The following FRMPD4 variants were observed in gnomAD, a reference collection of about 807,000 sequenced individuals.
The protein encoded by FRMPD4 is FERM and PDZ domain-containing protein 4.
Under a neutral mutation model 94.1 loss-of-function variants are expected in FRMPD4, and 22 were observed. The observed-to-expected ratio is 0.23, with a 90% CI of 0.17 to 0.33. The LOEUF is 0.33. FRMPD4 is among the 10% of genes least tolerant of loss of function. FRMPD4 has a pLI of 1.00. For synonymous variants in FRMPD4, 631 were observed against 548.6 expected (o/e 1.15, Z -2.10); for missense variants, 1,111 against 1,339.9 (o/e 0.83, Z 2.67).
chrX:11,868,463 T>C (rs1216242239), intron 2 of FRMPD4, among the ~76,000 whole-genome samples: 1 of 111,705 alleles, frequency 9.0e-6, no homozygotes, highest in Non-Finnish European at 1.9e-5. Context: ...AAAATGCTGA[T>C]GTAGTAGGCT....
intron 3 of FRMPD4, among the ~76,000 whole-genome samples, chrX:11,957,411 T>C (rs897803016): frequency 1.8e-5 from 2 of 111,062 alleles, no homozygotes; most frequent in African/African-American, 6.5e-5. Flanking sequence ...ATTTAAAAAA[T>C]AGAATTAGCC....
At chrX:12,039,536 A>AT (rs1173562331) in intron 3 of FRMPD4, among the ~76,000 whole-genome samples, 1 of 110,753 alleles carries the variant, frequency 9.0e-6, no homozygotes, top group African/African-American at 3.3e-5. Context: ...TTAATTTTCT[A>AT]TTTTTTTGTT....
chrX:12,148,349 A>G (rs2055799683), intron 1 of FRMPD4, among the ~76,000 whole-genome samples: 1 of 112,426 alleles, frequency 8.9e-6, no homozygotes, highest in African/African-American at 3.2e-5. Flanking sequence ...TGGTCTGGAT[A>G]GAAGATCAAA....
Position 12,717,726 on chromosome X carries a change from C to A in FRMPD4, c.2900C>A (p.Ser967Tyr). The change falls in exon 16 of 17, where the codon TCC becomes TAC. Residue 967 changes from serine to tyrosine, a missense_variant. By Grantham distance (144) the Ser-to-Tyr change is moderately radical. This residue lies in a region of FRMPD4 where 551 missense variants were observed against 591.6 expected (regional missense o/e 0.93). Coordinates refer to ENST00000675598, the MANE Select transcript of FRMPD4 (RefSeq NM_001368397.1). Reference protein sequence around the residue: ...KTPAGGLPPKSSHALAARPAT... With the variant: ...KTPAGGLPPKYSHALAARPAT... The stretch of plus-strand genomic sequence containing the variant: ...CCCGCTGGGGGCTTGCCTCCAAAGT[C>A]CTCGCACGCCCTGGCTGCTAGGCCA... 8.3e-7 allele frequency: 1 copy of A among 1,211,196 alleles called. No homozygotes were observed. Among genetic ancestry groups the A allele is most frequent in the South Asian group, 1.8e-5 (1 of 56,979 alleles).
chrX:11,895,182 G>A (rs1472870712), intron 3 of FRMPD4, among the ~76,000 whole-genome samples: 1 of 111,962 alleles, frequency 8.9e-6, no homozygotes, highest in African/African-American at 3.2e-5. Flanking sequence ...TGATTTTTTT[G>A]TGTGGGGCTG....
chrX:12,258,699 T>C (rs2054148858), intron 1 of FRMPD4, among the ~76,000 whole-genome samples: 2 of 111,717 alleles, frequency 1.8e-5, no homozygotes, highest in South Asian at 7.6e-4. Flanking sequence ...TATGTAATAG[T>C]TGTACATATT....
chrX:12,344,743 T>C (rs2055673703), intron 1 of FRMPD4, among the ~76,000 whole-genome samples: 2 of 112,339 alleles, frequency 1.8e-5, no homozygotes, highest in African/African-American at 6.5e-5. Flanking sequence ...TTGACTTTCT[T>C]TGGAGTCTGT....
At position 12,721,288 on chromosome X, in the gene FRMPD4, A is replaced by T. The variant is rs2042235138; in HGVS notation, c.4719A>T (p.Arg1573=). The part of the protein sequence containing the change: ...SVLKVWAEDL[R]DPDDLDFSNL... ...TGAAGGTCTGGGCAGAAGACCTGCG[A>T]GACCCAGATGACTTGGACTTCAGCA... The change falls in exon 17 of 17, where the codon CGA becomes CGT. Residue 1573 remains arginine (R), a synonymous_variant. Transcript: ENST00000675598. 2 of 755,565 alleles carry T rather than the reference A, an allele frequency of 2.6e-6. No individual in the cohort carries two copies. The highest frequency in any genetic ancestry group is 6.7e-5 in the South Asian group (1 of 14,895). The allele number at this position is 755,565 out of a possible 1,213,427, so 62.3% of individuals were successfully genotyped here.
At position 12,441,069 on chromosome X, in the gene FRMPD4, A is replaced by G. The variant is rs755599116; in HGVS notation, c.42-57611A>G. Among the ~76,000 whole-genome samples, 8 of 112,310 alleles carry G rather than the reference A, an allele frequency of 7.1e-5. No individual in the cohort carries two copies. The South Asian group carries it at 3.0e-3, about 42-fold the overall frequency. ...CCAGTTTCATTTGCATGTATCTGCG[A>G]ATAATTCAGAAAGACTGCAGCCCCT... On this transcript the variant is annotated intron_variant, in intron 1 of 16. Transcript: ENST00000675598.
chrX:12,331,049 G>A (rs1569233661), intron 1 of FRMPD4, among the ~76,000 whole-genome samples: 1 of 111,616 alleles, frequency 9.0e-6, no homozygotes, highest in Non-Finnish European at 1.9e-5. Context: ...TAGCACCACA[G>A]CAGCCACAGA....
chrX:12,185,324 C>A (rs758716227), intron 1 of FRMPD4, among the ~76,000 whole-genome samples: 1 of 111,655 alleles, frequency 9.0e-6, no homozygotes, highest in Non-Finnish European at 1.9e-5. Context: ...TTATTGACCA[C>A]GGGTGAACAA....
At chrX:12,463,689 T>G (rs1455574271) in intron 1 of FRMPD4, among the ~76,000 whole-genome samples, 2 of 91,795 alleles carry the variant, frequency 2.2e-5, no homozygotes, top group African/African-American at 8.7e-5. Context: ...GTGTTTTTTT[T>G]TTGTTTTTGT....
intron 3 of FRMPD4, among the ~76,000 whole-genome samples, chrX:12,111,385 G>A (rs1273623176): frequency 1.8e-5 from 2 of 111,638 alleles, no homozygotes; most frequent in African/African-American, 6.5e-5. Flanking sequence ...AGCTGAAACT[G>A]GATCCCTTCC....
chrX:12,369,013 C>T (rs5935312), intron 1 of FRMPD4, among the ~76,000 whole-genome samples: 1,363 of 111,101 alleles, frequency 0.012, 12 homozygotes, highest in Middle Eastern at 0.019. Context: ...CTTCCCCTTT[C>T]CTCTGCCCCG....
intron 1 of FRMPD4, among the ~76,000 whole-genome samples, chrX:12,442,804 C>G (rs2057153240): frequency 9.0e-6 from 1 of 111,316 alleles, no homozygotes; most frequent in African/African-American, 3.3e-5. Flanking sequence ...AACATTATTC[C>G]TAATAGACAA....
intron 1 of FRMPD4, among the ~76,000 whole-genome samples, chrX:12,278,520 T>G (rs1205255352): frequency 8.9e-6 from 1 of 112,557 alleles, no homozygotes; most frequent in Non-Finnish European, 1.9e-5. Context: ...GACATCTTTT[T>G]CAAATCTAAT....
intron 3 of FRMPD4, among the ~76,000 whole-genome samples, chrX:12,131,670 G>A (rs1471290638): frequency 1.8e-5 from 2 of 111,222 alleles, no homozygotes; most frequent in African/African-American, 3.3e-5. Context: ...TAGAATTTGA[G>A]ACATTTTTAT....
At chrX:11,990,256 C>A (rs1255388406) in intron 3 of FRMPD4, among the ~76,000 whole-genome samples, 1 of 111,860 alleles carries the variant, frequency 8.9e-6, no homozygotes, top group African/African-American at 3.2e-5. Flanking sequence ...CCATAATAGG[C>A]AAACCCATAC....
chrX:11,954,227 C>A (rs1330756841), intron 3 of FRMPD4, among the ~76,000 whole-genome samples: 8 of 112,125 alleles, frequency 7.1e-5, no homozygotes, highest in Admixed American at 2.8e-4. Flanking sequence ...AAGTAGTAAC[C>A]AAACTTAGCA....
Sources: gnomAD v4.1 joint callset for allele counts (sites outside exome capture counted in the v4.1 genomes callset) on GRCh38, gnomAD v4.1.1 for gene constraint, gnomAD v4.1.1 regional missense constraint, MANE v1.5 for transcripts, NCBI Gene and HGNC (gene_info 2026-07-23, HGNC 2026-07-21) for gene names.